The following RBFOX1 variants were observed in gnomAD, a reference collection of about 807,000 sequenced individuals.
RBFOX1 encodes RNA binding fox-1 homolog 1, also known as RNA binding protein fox-1 homolog 1.
Under a neutral mutation model 57.7 loss-of-function variants are expected in RBFOX1, and 8 were observed. The observed-to-expected ratio is 0.14, with a 90% CI of 0.08 to 0.25. The LOEUF is 0.25. RBFOX1 is among the 10% of genes least tolerant of loss of function. The pLI is 1.00. For synonymous variants in RBFOX1, 326 were observed against 222.4 expected, an observed-to-expected ratio of 1.47 and a Z score of -4.15; for missense variants, 611 against 548.5, an observed-to-expected ratio of 1.11 and a Z score of -1.14.
chr16:5,885,822 G>A (rs1455061237), intron 4 of RBFOX1, among the ~76,000 whole-genome samples: 1 of 152,174 alleles, frequency 6.6e-6, no homozygotes, highest in Non-Finnish European at 1.5e-5. Flanking sequence ...TCTAGGTGCT[G>A]CTGCTCTGAA....
intron 2 of RBFOX1, among the ~76,000 whole-genome samples, chr16:6,563,824 TC>T (rs1365253945): frequency 6.7e-6 from 1 of 150,182 alleles, no homozygotes; most frequent in Non-Finnish European, 1.5e-5. Context: ...GGATCCTGTC[TC>T]CAAAAAAAAA....
At chr16:6,404,921 A>G (rs1357389818) in intron 2 of RBFOX1, among the ~76,000 whole-genome samples, 1 of 152,192 alleles carries the variant, frequency 6.6e-6, no homozygotes, top group Non-Finnish European at 1.5e-5. Flanking sequence ...GCTTGAATGG[A>G]ATTCAGCATT....
At chr16:6,512,645 T>C (rs1028398837) in intron 2 of RBFOX1, among the ~76,000 whole-genome samples, 1 of 152,056 alleles carries the variant, frequency 6.6e-6, no homozygotes, top group Non-Finnish European at 1.5e-5. Flanking sequence ...CCCAAGAAAA[T>C]GGGAATATCT....
At chr16:6,572,444 T>C (rs558499309) in intron 2 of RBFOX1, among the ~76,000 whole-genome samples, 1 of 152,328 alleles carries the variant, frequency 6.6e-6, no homozygotes, top group East Asian at 1.9e-4. Flanking sequence ...TTTGTTGGGC[T>C]CTTATCTAAG....
In RBFOX1 at chr16:6,992,556, C is replaced by T. The variant is rs369185727; in HGVS notation, c.-15-59501C>T. ...CCTTGTTCATCCCTTCCAAGGTCAG[C>T]TTGGGTTCCTCAGTAGTCGTGGTAT... is the stretch of plus-strand genomic sequence containing the variant. On this transcript the variant is annotated intron_variant, in intron 3 of 15. Coordinates refer to ENST00000550418, the MANE Select transcript of RBFOX1 (RefSeq NM_018723.4). 4.6e-5 allele frequency among the ~76,000 whole-genome samples: 7 copies of T among 152,180 alleles called. No homozygotes were observed. The East Asian group carries it at 1.4e-3, about 29-fold the overall frequency.
chr16:7,477,362 C>A (rs770387179), intron 4 of RBFOX1, among the ~76,000 whole-genome samples: 4 of 152,110 alleles, frequency 2.6e-5, no homozygotes, highest in Non-Finnish European at 4.4e-5. Flanking sequence ...ATTGTGAGGA[C>A]CTGGGCTCCA....
chr16:6,496,198 A>C (rs2095763631), intron 2 of RBFOX1, among the ~76,000 whole-genome samples: 2 of 152,170 alleles, frequency 1.3e-5, no homozygotes, highest in African/African-American at 2.4e-5. Context: ...AGGCATGTGC[A>C]CTTTTTTTTT....
intron 3 of RBFOX1, among the ~76,000 whole-genome samples, chr16:6,859,143 A>ATATATATGTG (rs2058492951): frequency 1.1e-5 from 1 of 88,096 alleles, no homozygotes; most frequent in African/African-American, 5.7e-5. Context: ...ATATATACGT[A>ATATATATGTG]TATATATATG....
At chr16:7,049,236 C>T (rs2049094735) in intron 3 of RBFOX1, among the ~76,000 whole-genome samples, 1 of 152,090 alleles carries the variant, frequency 6.6e-6, no homozygotes, top group South Asian at 2.1e-4. Flanking sequence ...TCACCTGCTT[C>T]TCATCTGAGT....
intron 3 of RBFOX1, among the ~76,000 whole-genome samples, chr16:6,733,615 A>G (rs535974824): frequency 6.6e-6 from 1 of 152,282 alleles, no homozygotes; most frequent in African/African-American, 2.4e-5. Flanking sequence ...GGAAGTAGCC[A>G]GGGGTGGTGG....
chr16:6,728,838 T>C (rs996159302), intron 3 of RBFOX1, among the ~76,000 whole-genome samples: 10 of 152,208 alleles, frequency 6.6e-5, no homozygotes, highest in African/African-American at 2.4e-4. Flanking sequence ...ATCTAATTCA[T>C]GTAGCATTCA....
At chr16:6,619,169 GAAAAA>G (rs149404473) in intron 2 of RBFOX1, among the ~76,000 whole-genome samples, 2 of 147,590 alleles carry the variant, frequency 1.4e-5, no homozygotes, top group African/African-American at 5.0e-5. Flanking sequence ...CCAGGAAGGA[GAAAAA>G]AAAAAACAAC....
intron 3 of RBFOX1, among the ~76,000 whole-genome samples, chr16:6,974,860 C>A (rs1400709327): frequency 6.6e-6 from 1 of 152,052 alleles, no homozygotes; most frequent in East Asian, 1.9e-4. Context: ...ATTCAGTGCT[C>A]CCTGGAAGGT....
chr16:5,579,891 C>T (rs1218262839), intron 2 of RBFOX1, among the ~76,000 whole-genome samples: 1 of 152,052 alleles, frequency 6.6e-6, no homozygotes, highest in African/African-American at 2.4e-5. Context: ...TCCCAAGTAG[C>T]TGGGATTACA....
At chr16:7,173,495 T>A (rs956735653) in intron 4 of RBFOX1, among the ~76,000 whole-genome samples, 1 of 152,216 alleles carries the variant, frequency 6.6e-6, no homozygotes, top group South Asian at 2.1e-4. Context: ...TTTGACACTT[T>A]TTTTTTTCTC....
chr16:6,082,418 C>G (rs941577066), intron 1 of RBFOX1, among the ~76,000 whole-genome samples: 1 of 120,590 alleles, frequency 8.3e-6, no homozygotes, highest in African/African-American at 3.2e-5. Flanking sequence ...TGATCTTGAA[C>G]TCCTGACCTC....
intron 3 of RBFOX1, among the ~76,000 whole-genome samples, chr16:5,855,273 G>A (rs977329277): frequency 6.6e-6 from 1 of 152,056 alleles, no homozygotes; most frequent in Admixed American, 6.5e-5. Flanking sequence ...TGTGTTTTTG[G>A]TGTTATATTA....
At chr16:6,715,833 C>G (rs2064699191) in intron 3 of RBFOX1, among the ~76,000 whole-genome samples, 2 of 152,192 alleles carry the variant, frequency 1.3e-5, no homozygotes, top group Admixed American at 1.3e-4. Flanking sequence ...TTCTTGAGAT[C>G]ATGAACCAAT....
intron 1 of RBFOX1, among the ~76,000 whole-genome samples, chr16:6,209,274 A>T (rs954656716): frequency 3.2e-4 from 49 of 152,314 alleles, no homozygotes; most frequent in Admixed American, 2.1e-3. Context: ...TTGTGGAATT[A>T]ACCTAACTTT....
Sources: gnomAD v4.1 joint callset for allele counts (sites outside exome capture counted in the v4.1 genomes callset) on GRCh38, gnomAD v4.1.1 for gene constraint, MANE v1.5 for transcripts, NCBI Gene and HGNC (gene_info 2026-07-23, HGNC 2026-07-21) for gene names.